The following LMF1 variants were observed in gnomAD, a reference collection of about 807,000 sequenced individuals.
LMF1 encodes lipase maturation factor 1.
In LMF1, 68 loss-of-function variants were observed where a neutral mutation model predicts 60.6. The observed-to-expected ratio is 1.12, with a 90% CI of 0.92 to 1.37. The LOEUF is 1.37. Among genes scored for constraint, LMF1 ranks in the 40% most tolerant of loss-of-function variants. The probability of loss-of-function intolerance (pLI) is 0.00; values close to 1 mark genes in which losing one functional copy is unlikely to be tolerated. For missense variants in LMF1, 948 were observed against 767.2 expected, an observed-to-expected ratio of 1.24 and a Z score of -2.78; for synonymous variants, 418 against 324.7, an observed-to-expected ratio of 1.29 and a Z score of -3.09.
At chr16:906,600 G>T (rs35278741) in intron 4 of LMF1, among the ~76,000 whole-genome samples, 10,732 of 152,050 alleles carry the variant, frequency 0.071, 442 homozygotes, top group Middle Eastern at 0.13. Context: ...TTGTGATCGT[G>T]GAGTTAATAC....
intron 4 of LMF1, among the ~76,000 whole-genome samples, chr16:895,342 G>C (rs967904300): frequency 3.9e-5 from 6 of 152,246 alleles, no homozygotes; most frequent in Non-Finnish European, 8.8e-5. Flanking sequence ...AGCCACGTCT[G>C]CGAAACATTA....
rs2072665916 is a variant in LMF1 at position 955,383 on chromosome 16, ACGCGG to A, written c.194-722_194-718del. ...TACATAAAATGCGTGCCCGCAGCAG[ACGCGG>A]TGTGTGCATACACGCACACACATGT... On this transcript the variant is annotated intron_variant, in intron 1 of 10. Transcript: ENST00000262301. 7.4e-5 allele frequency among the ~76,000 whole-genome samples: 11 copies of A among 147,956 alleles called. 1 individual carries two copies. Among genetic ancestry groups the A allele is most frequent in the African/African-American group, 1.5e-4 (6 of 39,420 alleles).
intron 4 of LMF1, among the ~76,000 whole-genome samples, chr16:898,655 C>T (rs961984113): frequency 1.1e-4 from 16 of 152,174 alleles, no homozygotes; most frequent in South Asian, 4.1e-4. Context: ...GCAGCTTAGT[C>T]GGGCGAGGGG....
intron 1 of LMF1, among the ~76,000 whole-genome samples, chr16:959,686 C>T (rs962452055): frequency 6.6e-6 from 1 of 152,232 alleles, no homozygotes; most frequent in Non-Finnish European, 1.5e-5. Flanking sequence ...AGGAGCTGTA[C>T]ACAAACGCTG....
intron 10 of LMF1, among the ~76,000 whole-genome samples, chr16:861,556 C>G (rs1335335648): frequency 1.3e-5 from 2 of 151,858 alleles, no homozygotes; most frequent in East Asian, 3.9e-4. Flanking sequence ...GACAGGGTTT[C>G]TCTATGTTAG....
chr16:926,337 G>C (rs935990680), intron 3 of LMF1, among the ~76,000 whole-genome samples: 4 of 151,346 alleles, frequency 2.6e-5, no homozygotes, highest in Admixed American at 6.6e-5. Context: ...AAGATCTGCA[G>C]GTCTGTGCGC....
intron 10 of LMF1, among the ~76,000 whole-genome samples, chr16:866,043 C>T (rs763318868): frequency 1.2e-4 from 18 of 152,188 alleles, no homozygotes; most frequent in Non-Finnish European, 2.2e-4. Flanking sequence ...TTACTGCATG[C>T]GTTTTCGACG....
chr16:897,273 T>A lies in LMF1; in HGVS notation c.664-4201A>T, dbSNP rs2070692148. 6.6e-6 allele frequency among the ~76,000 whole-genome samples: 1 copy of A among 152,164 alleles called. No individual in the cohort carries two copies. Among genetic ancestry groups the A allele is most frequent in the Admixed American group, 6.5e-5 (1 of 15,280 alleles). ...AGACACTCTGTGGAGACCCCGCTTCTCTCACTTGGCCCCCAGAGGCCGCCA... is the reference window on the plus strand; with the variant it reads ...AGACACTCTGTGGAGACCCCGCTTCACTCACTTGGCCCCCAGAGGCCGCCA... On this transcript the variant is annotated intron_variant, in intron 4 of 10. Transcript: ENST00000262301. The surrounding 1 kb of genome is among the most constrained non-coding windows in gnomAD (Gnocchi z 4.3).
intron 5 of LMF1, among the ~76,000 whole-genome samples, chr16:885,745 G>A (rs2070288819): frequency 6.6e-6 from 1 of 152,208 alleles, no homozygotes; most frequent in Non-Finnish European, 1.5e-5. Context: ...GGATAGAAAT[G>A]TAAGCAGACA....
At chr16:959,989 G>C (rs1469962048) in intron 1 of LMF1, among the ~76,000 whole-genome samples, 1 of 151,796 alleles carries the variant, frequency 6.6e-6, no homozygotes, top group East Asian at 1.9e-4. Context: ...ATACGACAGA[G>C]AAGCAATCAA....
At chr16:943,370 CAAA>C (rs34995293) in intron 2 of LMF1, among the ~76,000 whole-genome samples, 25,645 of 96,760 alleles carry the variant, frequency 0.27, 2,944 homozygotes, top group African/African-American at 0.38. Context: ...GACTCCATCT[CAAA>C]AAAAAAAAAA....
At chr16:894,311 G>C (rs1596931222) in intron 4 of LMF1, among the ~76,000 whole-genome samples, 4 of 44,458 alleles carry the variant, frequency 9.0e-5, no homozygotes, top group Non-Finnish European at 1.5e-4. Context: ...CCTGTCCACC[G>C]GATCGTCCAC....
At chr16:883,973 T>C (rs1028445475) in intron 5 of LMF1, 2 of 152,240 alleles carry the variant, frequency 1.3e-5, no homozygotes, top group African/African-American at 2.4e-5. Flanking sequence ...ATTATTGAAA[T>C]CTCCAACTTT....
chr16:892,912 G>C (rs1187314727), intron 5 of LMF1, 95 bp downstream of exon 5: 4 of 945,728 alleles, frequency 4.2e-6, no homozygotes, highest in Non-Finnish European at 6.3e-6. Flanking sequence ...TGATGCGACA[G>C]CTCACCAGGG....
intron 3 of LMF1, among the ~76,000 whole-genome samples, chr16:927,226 G>A (rs905248306): frequency 1.4e-4 from 21 of 152,216 alleles, no homozygotes; most frequent in African/African-American, 4.8e-4. Context: ...CCCATGTCAC[G>A]TGGCGGGCTC....
chr16:964,850 C>T (rs1459756420), intron 1 of LMF1, among the ~76,000 whole-genome samples: 2 of 152,260 alleles, frequency 1.3e-5, no homozygotes, highest in African/African-American at 2.4e-5. Context: ...ACCAATGGCA[C>T]CGCGGCCCCA....
intron 1 of LMF1, among the ~76,000 whole-genome samples, chr16:969,539 G>A (rs1471927954): frequency 2.0e-5 from 3 of 152,232 alleles, no homozygotes; most frequent in African/African-American, 7.2e-5. Context: ...CGCGACGTGT[G>A]TGGCACAAAG....
At chr16:875,937 C>T (rs765937543) in intron 6 of LMF1, among the ~76,000 whole-genome samples, 4 of 152,162 alleles carry the variant, frequency 2.6e-5, no homozygotes, top group South Asian at 2.1e-4. Flanking sequence ...AGGAGTCACC[C>T]GTGTGTGTGG....
chr16:889,590 G>C (rs901643898), intron 5 of LMF1, among the ~76,000 whole-genome samples: 2 of 152,132 alleles, frequency 1.3e-5, no homozygotes, highest in Non-Finnish European at 2.9e-5. Flanking sequence ...TACAGCATAG[G>C]GGCAACTTTC....
Sources: allele counts gnomAD v4.1 joint callset (sites outside exome capture counted in the v4.1 genomes callset), GRCh38; gene constraint gnomAD v4.1.1; non-coding constraint Gnocchi (gnomAD v3.1); transcripts MANE v1.5; gene names NCBI Gene and HGNC (gene_info 2026-07-23, HGNC 2026-07-21).